The following SPATA22 variants were observed in gnomAD, a reference collection of about 807,000 sequenced individuals.
The protein encoded by SPATA22 is spermatogenesis associated 22, also known as spermatogenesis-associated protein 22.
Under a neutral mutation model 47.8 loss-of-function variants are expected in SPATA22, and 29 were observed. The ratio of observed to expected loss-of-function variants is 0.61; its 90% CI spans 0.45 to 0.83. SPATA22 has a LOEUF of 0.83. Among genes scored for constraint, SPATA22 ranks in the 40% least tolerant of loss-of-function variants. The pLI, the probability that SPATA22 is intolerant of heterozygous loss-of-function variation, is 0.00. For synonymous variants in SPATA22, 133 were observed against 140.9 expected (o/e 0.94, Z 0.40); for missense variants, 410 against 421.7 (o/e 0.97, Z 0.24).
At chr17:3,444,805 G>A (rs1332146444) in intron 7 of SPATA22, among the ~76,000 whole-genome samples, 3 of 152,032 alleles carry the variant, frequency 2.0e-5, no homozygotes, top group Non-Finnish European at 4.4e-5. Context: ...TATATACAGT[G>A]CAGTGTGCTA....
intron 3 of SPATA22, among the ~76,000 whole-genome samples, chr17:3,465,743 C>G (rs1409340074): frequency 6.7e-6 from 1 of 149,430 alleles, no homozygotes; most frequent in Non-Finnish European, 1.5e-5. Flanking sequence ...CCTGCCAAAT[C>G]CCCCTCTGTG....
chr17:3,445,950 A>G, intron 7 of SPATA22, among the ~76,000 whole-genome samples: 1 of 152,158 alleles, frequency 6.6e-6, no homozygotes, highest in Non-Finnish European at 1.5e-5. Flanking sequence ...TCAGAAGTCT[A>G]TAATGAGTCA....
Position 3,503,534 on chromosome 17 carries a change from A to T in SPATA22, c.-74+9878T>A, listed in dbSNP as rs555732773. The T allele has an allele frequency of 1.4e-3, 145 of 102,048 alleles. 1 individual carries two copies. Among genetic ancestry groups the T allele is most frequent in the African/African-American group, 3.9e-3 (142 of 36,490 alleles). The allele number at this position is 102,048 out of a possible 1,614,324, so 6.3% of individuals were successfully genotyped here. On this transcript the variant is annotated intron_variant, in intron 1 of 8. Transcript: ENST00000541913. The stretch of plus-strand genomic sequence containing the variant: ...TTTCTAGGTCAGCTTTTTCCAGATG[A>T]AAATTTTGGCAAGAATATTCTTCCC...
chr17:3,465,722 T>C (rs921752517), intron 3 of SPATA22, among the ~76,000 whole-genome samples: 3 of 150,392 alleles, frequency 2.0e-5, no homozygotes, highest in African/African-American at 7.3e-5. Context: ...CCTCCACTAT[T>C]GTCCTATGAC....
In SPATA22 at chr17:3,467,555, C is replaced by A; in HGVS notation, c.44-1G>T. 6.3e-7 allele frequency: 1 copy of A among 1,599,518 alleles called. No homozygotes were observed. Among genetic ancestry groups the A allele is most frequent in the Non-Finnish European group, 8.5e-7 (1 of 1,173,640 alleles). On this transcript the variant is annotated splice_acceptor_variant, in intron 2 of 8. Coordinates refer to ENST00000572969, the MANE Select transcript of SPATA22 (RefSeq NM_001170698.2). LOFTEE classifies it high-confidence loss of function. ...TTGAACAACGGAACAGGCAAACAGC[C>A]TAAATTGAATGTACCAATAAATTAG...
chr17:3,442,262 CAT>C (rs1274562593), intron 8 of SPATA22, among the ~76,000 whole-genome samples: 1 of 151,932 alleles, frequency 6.6e-6, no homozygotes, highest in African/African-American at 2.4e-5. Context: ...ACTGTATATT[CAT>C]GTTTCATCAT....
In SPATA22 at chr17:3,450,409, A is replaced by G. The variant is rs533853577; in HGVS notation, c.330-1260T>C. ...AACAATTTAAGTTATAAACACCACA[A>G]ACATCACGATACCCAGAAAAAAATT... On this transcript the variant is annotated intron_variant, in intron 5 of 8. Coordinates refer to ENST00000572969, the MANE Select transcript of SPATA22 (RefSeq NM_001170698.2). Among the ~76,000 whole-genome samples, 3 of 152,336 alleles carry G rather than the reference A, an allele frequency of 2.0e-5. No homozygotes were observed. In the South Asian group the frequency reaches 6.2e-4, roughly 32 times the overall value.
chr17:3,465,880 G>A (rs962779031), intron 3 of SPATA22, among the ~76,000 whole-genome samples: 8 of 151,730 alleles, frequency 5.3e-5, no homozygotes, highest in Middle Eastern at 3.2e-3. Flanking sequence ...ACCCTGGTCC[G>A]AGCTTGAAGT....
intron 3 of SPATA22, among the ~76,000 whole-genome samples, chr17:3,465,163 C>T (rs1374532130): frequency 7.6e-6 from 1 of 131,130 alleles, no homozygotes; most frequent in Non-Finnish European, 1.7e-5. Flanking sequence ...GTGGGGGGGT[C>T]AGCCCCCCGC....
intron 1 of SPATA22, chr17:3,498,899 C>T (rs373410075): frequency 6.3e-7 from 1 of 1,586,838 alleles, no homozygotes; most frequent in African/African-American, 1.4e-5. Flanking sequence ...AGGATCAAGA[C>T]TGGAAACCAC....
chr17:3,471,951 A>G (rs2073448865), upstream of SPATA22: 4 of 754,124 alleles, frequency 5.3e-6, no homozygotes, highest in Admixed American at 2.5e-4. Context: ...GCGTTCTCAC[A>G]CTGTGGACCC....
chr17:3,446,588 T>C lies in SPATA22; in HGVS notation c.686A>G (p.Tyr229Cys). The change falls in exon 7 of 9, where the codon TAT (tyrosine) becomes TGT (cysteine). Residue 229 changes from tyrosine (Y) to cysteine (C), a missense_variant. Transcript: ENST00000572969. Reference sequence around the variant, plus strand: ...AGCTTTTTCCTTAAACTGTAACTGATACAATGAGGTTTCCTTTTGAAAAAA... The same window carrying C: ...AGCTTTTTCCTTAAACTGTAACTGACACAATGAGGTTTCCTTTTGAAAAAA... The part of the protein sequence containing the change: ...EDNTLKETSL[Y>C]QLQFKEKASS... 1 of 1,556,632 alleles carries C rather than the reference T, an allele frequency of 6.4e-7. No individual in the cohort carries two copies. The highest frequency in any genetic ancestry group is 8.7e-7 in the Non-Finnish European group (1 of 1,148,980).
intron 1 of SPATA22, among the ~76,000 whole-genome samples, chr17:3,482,422 C>G (rs2073646290): frequency 6.6e-6 from 1 of 152,296 alleles, no homozygotes; most frequent in Non-Finnish European, 1.5e-5. Flanking sequence ...CAGAAACACA[C>G]ATAAGGAACT....
At chr17:3,454,935 A>G (rs1006815133) in intron 5 of SPATA22, among the ~76,000 whole-genome samples, 2 of 151,402 alleles carry the variant, frequency 1.3e-5, no homozygotes, top group South Asian at 2.1e-4. Flanking sequence ...AAGTGTTCCT[A>G]TTTCTCCACA....
intron 1 of SPATA22, among the ~76,000 whole-genome samples, chr17:3,483,146 C>G (rs1437020614): frequency 2.0e-5 from 3 of 151,848 alleles, no homozygotes; most frequent in African/African-American, 4.8e-5. Context: ...GTTTAAGAGA[C>G]CAATACCAAG....
chr17:3,465,936 A>G (rs755255749), intron 3 of SPATA22, among the ~76,000 whole-genome samples: 5 of 152,066 alleles, frequency 3.3e-5, no homozygotes, highest in Admixed American at 3.3e-4. Flanking sequence ...TCAATTTTTC[A>G]AGGTCAACAT....
At chr17:3,489,888 T>C (rs1186395385) in intron 1 of SPATA22, among the ~76,000 whole-genome samples, 5 of 152,220 alleles carry the variant, frequency 3.3e-5, no homozygotes, top group Admixed American at 2.0e-4. Context: ...AAGCAACATG[T>C]TGTTTACAAA....
At chr17:3,455,153 T>C (rs1227257213) in intron 5 of SPATA22, among the ~76,000 whole-genome samples, 1 of 152,090 alleles carries the variant, frequency 6.6e-6, no homozygotes, top group African/African-American at 2.4e-5. Flanking sequence ...GGTTTTTTTT[T>C]CTTGTAAATT....
chr17:3,461,571 CTT>C (rs1011142652), intron 5 of SPATA22, among the ~76,000 whole-genome samples: 1 of 152,066 alleles, frequency 6.6e-6, no homozygotes, highest in African/African-American at 2.4e-5. Context: ...GTTTTAAGGC[CTT>C]GTTATGAAGA....
Sources: gnomAD v4.1 joint callset for allele counts (sites outside exome capture counted in the v4.1 genomes callset) on GRCh38, gnomAD v4.1.1 for gene constraint, MANE v1.5 for transcripts, NCBI Gene and HGNC (gene_info 2026-07-23, HGNC 2026-07-21) for gene names.